The following MIX23 variants were observed in gnomAD, a reference collection of about 807,000 sequenced individuals.
The protein encoded by MIX23 is protein MIX23.
Under a neutral mutation model 21.6 loss-of-function variants are expected in MIX23, and 13 were observed. That is an observed-to-expected ratio of 0.60 (90% CI 0.39 to 0.96). The LOEUF (loss-of-function observed/expected upper bound fraction) is 0.96, where lower values mean the gene tolerates loss of function less well. MIX23 is among the 40% of genes least tolerant of loss of function. The pLI is 0.00. For synonymous variants in MIX23, 59 were observed against 58.0 expected (o/e 1.02, Z -0.08); for missense variants, 144 against 171.2 (o/e 0.84, Z 0.89).
intron 3 of MIX23, among the ~76,000 whole-genome samples, chr3:122,366,164 C>T (rs1344166355): frequency 1.3e-5 from 2 of 150,028 alleles, no homozygotes; most frequent in South Asian, 2.1e-4. Flanking sequence ...GGCGATAGTG[C>T]GAGACTCCAT....
At position 122,379,016 on chromosome 3, in the gene MIX23, T is replaced by C. The variant is rs145277582; in HGVS notation, c.51+4158A>G. Reference sequence around the variant, plus strand: ...AGTCCTACTGGACAGTGCTATATTCTAGAAAATATAATGACAACCCCTAAA... The same window carrying C: ...AGTCCTACTGGACAGTGCTATATTCCAGAAAATATAATGACAACCCCTAAA... On this transcript the variant is annotated intron_variant, in intron 1 of 4. Transcript: ENST00000291458. Among the ~76,000 whole-genome samples the C allele has an allele frequency of 9.2e-5, 14 of 152,294 alleles. No individual in the cohort carries two copies. In the East Asian group the frequency reaches 2.5e-3, roughly 27 times the overall value.
Position 122,368,173 on chromosome 3 carries a change from T to C in MIX23, c.324+3A>G. On this transcript the variant is annotated splice_donor_region_variant and intron_variant, in intron 3 of 4. Coordinates refer to ENST00000291458, the MANE Select transcript of MIX23 (RefSeq NM_001017928.4). ...TGAGAAATGTTAATTCTGTTCAACT[T>C]ACCTTTGTCTGCTCTTTTCTAAGTT... 1 of 1,610,150 alleles carries C rather than the reference T, an allele frequency of 6.2e-7. No individual in the cohort carries two copies. Among genetic ancestry groups the C allele is most frequent in the Non-Finnish European group, 8.5e-7 (1 of 1,179,472 alleles).
At chr3:122,375,330 A>C (rs1046008003) in intron 1 of MIX23, among the ~76,000 whole-genome samples, 1 of 152,102 alleles carries the variant, frequency 6.6e-6, no homozygotes, top group Non-Finnish European at 1.5e-5. Flanking sequence ...ATGGTGGGGG[A>C]GACTGGGGAA....
At chr3:122,376,510 T>C (rs1202999631) in intron 1 of MIX23, among the ~76,000 whole-genome samples, 1 of 152,084 alleles carries the variant, frequency 6.6e-6, no homozygotes, top group Non-Finnish European at 1.5e-5. Context: ...TCCTAACTAT[T>C]TGGGACTCTG....
At chr3:122,360,165 A>G (rs986803715) in intron 4 of MIX23, among the ~76,000 whole-genome samples, 1 of 152,184 alleles carries the variant, frequency 6.6e-6, no homozygotes, top group South Asian at 2.1e-4. Flanking sequence ...TACTTCGGGA[A>G]AAAATCATCA....
intron 2 of MIX23, 116 bp downstream of exon 2, chr3:122,371,559 A>G: frequency 8.5e-7 from 1 of 1,169,890 alleles, no homozygotes; most frequent in Non-Finnish European, 1.3e-6. Flanking sequence ...CATCAGGTAT[A>G]GGCAAAGAAA....
rs768052993 is a variant in MIX23, at chr3:122,371,659, C to CA, written c.177+15dup. 1.2e-6 allele frequency: 2 copies of CA among 1,610,918 alleles called. No individual in the cohort carries two copies. Among genetic ancestry groups the CA allele is most frequent in the Admixed American group, 1.7e-5 (1 of 59,704 alleles). The stretch of plus-strand genomic sequence containing the variant: ...AAAGGCATGAAAGAAGCAAAAGACT[C>CA]AAAAAATACACTTACAGACTCATAA... On this transcript the variant is annotated intron_variant, in intron 2 of 4. Transcript: ENST00000291458.
chr3:122,377,540 A>G (rs2075497198), intron 1 of MIX23, among the ~76,000 whole-genome samples: 1 of 152,216 alleles, frequency 6.6e-6, no homozygotes, highest in Non-Finnish European at 1.5e-5. Context: ...ATTTGTGTTG[A>G]ATGTTACTAA....
intron 1 of MIX23, among the ~76,000 whole-genome samples, chr3:122,382,509 A>C (rs1171011540): frequency 6.6e-6 from 1 of 152,244 alleles, no homozygotes; most frequent in African/African-American, 2.4e-5. Context: ...CTTTGTAACT[A>C]AACAGAAGCA....
rs886174247 is a variant in MIX23, at chr3:122,368,471, T to G, written c.178-149A>C. The G allele has an allele frequency of 3.6e-5, 29 of 812,712 alleles. No homozygotes were observed. In the East Asian group the frequency reaches 7.2e-4, roughly 20 times the overall value. The allele number at this position is 812,712 out of a possible 1,614,324, so 50.3% of individuals were successfully genotyped here. ...TGAAACCATGAAAGAGAAGATTGTG[T>G]TGAATCAGCTACCTCATCTAAAAAC... On this transcript the variant is annotated intron_variant, in intron 2 of 4. Transcript: ENST00000291458.
intron 4 of MIX23, 123 bp downstream of exon 4, chr3:122,362,845 G>T: frequency 5.3e-4 from 248 of 465,140 alleles, no homozygotes; most frequent in Non-Finnish European, 6.8e-4. Context: ...AATTGTAAAT[G>T]TAAACGAGTG....
intron 1 of MIX23, among the ~76,000 whole-genome samples, chr3:122,376,104 A>C (rs1382205455): frequency 7.2e-6 from 1 of 137,968 alleles, no homozygotes; most frequent in Non-Finnish European, 1.5e-5. Context: ...CAGAGGTTGC[A>C]GTGAGCCGAG....
chr3:122,360,294 C>G (rs1270812287), intron 4 of MIX23, among the ~76,000 whole-genome samples: 1 of 152,040 alleles, frequency 6.6e-6, no homozygotes, highest in Non-Finnish European at 1.5e-5. Flanking sequence ...AACTAAATGT[C>G]CACATGGAAC....
At chr3:122,375,633 C>A (rs1165229803) in intron 1 of MIX23, among the ~76,000 whole-genome samples, 1 of 151,988 alleles carries the variant, frequency 6.6e-6, no homozygotes, top group Non-Finnish European at 1.5e-5. Flanking sequence ...GTGGTACAGC[C>A]TTCTTTTGTG....
At chr3:122,368,041 T>C in intron 3 of MIX23, 135 bp downstream of exon 3, 2 of 712,384 alleles carry the variant, frequency 2.8e-6, no homozygotes, top group Non-Finnish European at 4.8e-6. Context: ...TCACTAAAAA[T>C]GAAGCACTAA....
chr3:122,371,910 A>C, intron 1 of MIX23, 110 bp from the exon 2 acceptor site: 3 of 927,042 alleles, frequency 3.2e-6, no homozygotes, highest in Non-Finnish European at 4.8e-6. Flanking sequence ...CCTTTAAGTC[A>C]GGAGTGAGGA....
At chr3:122,373,194 A>G (rs1049341453) in intron 1 of MIX23, among the ~76,000 whole-genome samples, 2 of 152,044 alleles carry the variant, frequency 1.3e-5, no homozygotes, top group African/African-American at 4.8e-5. Context: ...TATACAACTG[A>G]GGTACTATGT....
In MIX23 at chr3:122,371,678, C is replaced by T; in HGVS notation, c.174G>A (p.Glu58=). 13 of 1,611,992 alleles carry T rather than the reference C, an allele frequency of 8.1e-6. No individual in the cohort carries two copies. The highest frequency in any genetic ancestry group is 2.2e-4 in the Middle Eastern group (1 of 4,554). ...DASQTCKQLY[E]SLMAAHASRD... Reference sequence around the variant, plus strand: ...AAGACTCAAAAAATACACTTACAGACTCATAAAGTTGTTTACAGGTTTGGC... The same window carrying T: ...AAGACTCAAAAAATACACTTACAGATTCATAAAGTTGTTTACAGGTTTGGC... The change falls in exon 2 of 5, where the codon GAG becomes GAA. Residue 58 remains glutamate, a synonymous_variant. Coordinates refer to ENST00000291458, the MANE Select transcript of MIX23 (RefSeq NM_001017928.4).
At chr3:122,373,393 C>T (rs1262429103) in intron 1 of MIX23, among the ~76,000 whole-genome samples, 1 of 151,950 alleles carries the variant, frequency 6.6e-6, no homozygotes, top group African/African-American at 2.4e-5. Context: ...CACCTCAGCC[C>T]CTCAAATAGC....
Sources: gnomAD v4.1 joint callset for allele counts (sites outside exome capture counted in the v4.1 genomes callset) on GRCh38, gnomAD v4.1.1 for gene constraint, MANE v1.5 for transcripts, NCBI Gene and HGNC (gene_info 2026-07-23, HGNC 2026-07-21) for gene names.